Variants in MSRA observed in about 807,000 individuals in gnomAD.
MSRA encodes methionine sulfoxide reductase A, also known as mitochondrial peptide methionine sulfoxide reductase.
A neutral mutation model predicts 31.3 loss-of-function variants in MSRA; 54 were observed. The observed-to-expected ratio is 1.73, with a 90% CI of 1.39 to 2.17. MSRA has a LOEUF of 2.17. Among genes scored for constraint, MSRA ranks in the 30% most tolerant of loss-of-function variants. The pLI, the probability that MSRA is intolerant of heterozygous loss-of-function variation, is 0.00. For synonymous variants in MSRA, 169 were observed against 116.5 expected, an observed-to-expected ratio of 1.45 and a Z score of -2.90; for missense variants, 507 against 300.9, an observed-to-expected ratio of 1.69 and a Z score of -5.07.
chr8:10,348,125 C>T (rs191059295), intron 5 of MSRA, among the ~76,000 whole-genome samples: 157 of 152,244 alleles, frequency 1.0e-3, no homozygotes, highest in African/African-American at 3.5e-3. Flanking sequence ...TGAATTCAAA[C>T]GTGCAGTTAA....
intron 4 of MSRA, among the ~76,000 whole-genome samples, chr8:10,314,243 G>A (rs1239812626): frequency 6.6e-6 from 1 of 151,844 alleles, no homozygotes; most frequent in Non-Finnish European, 1.5e-5. Flanking sequence ...ATAACAAATT[G>A]CCAAGAACAG....
chr8:10,276,124 A>G (rs1056535739), intron 3 of MSRA, among the ~76,000 whole-genome samples: 1 of 152,146 alleles, frequency 6.6e-6, no homozygotes, highest in Non-Finnish European at 1.5e-5. Flanking sequence ...CAGGCGACAC[A>G]TGTAGGGTGA....
At chr8:10,201,068 G>C (rs1029656788) in intron 1 of MSRA, among the ~76,000 whole-genome samples, 3 of 152,128 alleles carry the variant, frequency 2.0e-5, no homozygotes, top group African/African-American at 4.8e-5. Flanking sequence ...ACCTGGAGAA[G>C]GAGCCACAAA....
chr8:10,247,847 C>T (rs1333555962), intron 3 of MSRA, among the ~76,000 whole-genome samples: 2 of 152,150 alleles, frequency 1.3e-5, no homozygotes, highest in African/African-American at 4.8e-5. Flanking sequence ...AGAAAGGTCC[C>T]TCTGGCACAG....
chr8:10,205,016 G>A (rs941400478), intron 1 of MSRA, among the ~76,000 whole-genome samples: 7 of 152,198 alleles, frequency 4.6e-5, no homozygotes, highest in Admixed American at 1.3e-4. Context: ...CAGGGTGGCT[G>A]TGGTGGATGG....
chr8:10,322,114 C>G (rs1389286479), intron 5 of MSRA, among the ~76,000 whole-genome samples: 1 of 152,132 alleles, frequency 6.6e-6, no homozygotes, highest in Non-Finnish European at 1.5e-5. Context: ...ATGAAATTTT[C>G]TCAATTCACA....
Position 10,162,657 on chromosome 8 carries a change from T to A in MSRA, c.143-45176T>A, listed in dbSNP as rs138267362. On this transcript the variant is annotated intron_variant, in intron 1 of 5. Transcript: ENST00000317173. Reference sequence around the variant, plus strand: ...TTACTATTTTACTATACCATCTCATTTAGTGCCCACGATTTCTTAAGAGGT... The same window carrying A: ...TTACTATTTTACTATACCATCTCATATAGTGCCCACGATTTCTTAAGAGGT... Among the ~76,000 whole-genome samples, 989 of 152,252 alleles carry A rather than the reference T, an allele frequency of 6.5e-3. 15 individuals are homozygous for A. Among genetic ancestry groups the A allele is most frequent in the African/African-American group, 0.023 (939 of 41,560 alleles).
intron 3 of MSRA, among the ~76,000 whole-genome samples, chr8:10,265,941 C>CT (rs1443325101): frequency 1.1e-4 from 16 of 152,344 alleles, no homozygotes; most frequent in African/African-American, 3.6e-4. Flanking sequence ...CAGTTCACTC[C>CT]TTTTTCCTGC....
chr8:10,290,019 A>G (rs938393130), intron 3 of MSRA, among the ~76,000 whole-genome samples: 1 of 152,190 alleles, frequency 6.6e-6, no homozygotes, highest in African/African-American at 2.4e-5. Flanking sequence ...GATTGATAGG[A>G]CAGATATTAG....
At chr8:10,175,916 G>T (rs563247985) in intron 1 of MSRA, among the ~76,000 whole-genome samples, 1 of 152,228 alleles carries the variant, frequency 6.6e-6, no homozygotes, top group South Asian at 2.1e-4. Flanking sequence ...AATAGATGTA[G>T]CAGAATGGGA....
At chr8:10,396,674 C>A (rs921010672) in intron 5 of MSRA, among the ~76,000 whole-genome samples, 3 of 152,226 alleles carry the variant, frequency 2.0e-5, no homozygotes, top group Non-Finnish European at 4.4e-5. Context: ...AATCTTGTCT[C>A]TTTCCCCAAG....
chr8:10,074,317 C>T (rs956447983), intron 1 of MSRA, among the ~76,000 whole-genome samples: 9 of 151,756 alleles, frequency 5.9e-5, no homozygotes, highest in South Asian at 4.2e-4. Flanking sequence ...CTCCTGACCT[C>T]GTGATCTGCC....
intron 1 of MSRA, among the ~76,000 whole-genome samples, chr8:10,173,462 C>G (rs1805771949): frequency 6.6e-6 from 1 of 152,220 alleles, no homozygotes; most frequent in Non-Finnish European, 1.5e-5. Context: ...CCTCACCTTG[C>G]ATCTATACTG....
At chr8:10,119,173 A>G (rs1800920198) in intron 1 of MSRA, among the ~76,000 whole-genome samples, 1 of 152,242 alleles carries the variant, frequency 6.6e-6, no homozygotes, top group Non-Finnish European at 1.5e-5. Flanking sequence ...TAAACATGTG[A>G]TAGCGAATTA....
rs1585100148 is a variant in MSRA, at chr8:10,078,383, A to C, written c.142+23725A>C. Among the ~76,000 whole-genome samples the C allele has an allele frequency of 6.6e-5, 10 of 152,328 alleles. No homozygotes were observed. The South Asian group carries it at 2.1e-3, about 32-fold the overall frequency. Reference sequence around the variant, plus strand: ...ATGTTCACATTCATGCGTGGAGCTCAGTGTGATGGAGGTGGGTCCTGTAGG... The same window carrying C: ...ATGTTCACATTCATGCGTGGAGCTCCGTGTGATGGAGGTGGGTCCTGTAGG... On this transcript the variant is annotated intron_variant, in intron 1 of 5. Coordinates refer to ENST00000317173, the MANE Select transcript of MSRA (RefSeq NM_012331.5).
chr8:10,136,020 G>A (rs542041187), intron 1 of MSRA, among the ~76,000 whole-genome samples: 8 of 151,746 alleles, frequency 5.3e-5, no homozygotes, highest in South Asian at 2.1e-4. Flanking sequence ...CCTGCATGTC[G>A]GGTGAGTTAG....
At chr8:10,173,096 A>G (rs1410696590) in intron 1 of MSRA, among the ~76,000 whole-genome samples, 1 of 152,256 alleles carries the variant, frequency 6.6e-6, no homozygotes, top group Non-Finnish European at 1.5e-5. Context: ...CCTTTTTCTC[A>G]CAGCAATCTG....
chr8:10,159,630 C>G (rs537288864), intron 1 of MSRA, among the ~76,000 whole-genome samples: 1 of 150,876 alleles, frequency 6.6e-6, no homozygotes, highest in Non-Finnish European at 1.5e-5. Flanking sequence ...AAGCACTTTA[C>G]AAGGCTTTCT....
chr8:10,361,534 G>A (rs1804845283), intron 5 of MSRA, among the ~76,000 whole-genome samples: 1 of 152,050 alleles, frequency 6.6e-6, no homozygotes, highest in African/African-American at 2.4e-5. Context: ...AGGGGTGCAA[G>A]CCAGTCCTTG....
Sources: allele counts gnomAD v4.1 joint callset (sites outside exome capture counted in the v4.1 genomes callset), GRCh38; gene constraint gnomAD v4.1.1; transcripts MANE v1.5; gene names NCBI Gene and HGNC (gene_info 2026-07-23, HGNC 2026-07-21).